Variants in UNC13C observed in about 807,000 individuals in gnomAD.
UNC13C encodes the protein unc-13 homolog C.
In UNC13C, 174 loss-of-function variants were observed where a neutral mutation model predicts 245.4. That is an observed-to-expected ratio of 0.71 (90% CI 0.63 to 0.80). UNC13C has a LOEUF of 0.80. Among genes scored for constraint, UNC13C ranks in the 30% least tolerant of loss-of-function variants. UNC13C has a pLI of 0.00. For missense variants in UNC13C, 2,829 were observed against 2,602.9 expected (o/e 1.09, Z -1.89); for synonymous variants, 992 against 895.1 (o/e 1.11, Z -1.93).
chr15:54,321,067 T>G, intron 13 of UNC13C: 1 of 481,978 alleles, frequency 2.1e-6, no homozygotes, highest in South Asian at 1.6e-5. Flanking sequence ...ACCGCCTCCA[T>G]GGCCACCACC....
intron 13 of UNC13C, among the ~76,000 whole-genome samples, chr15:54,318,386 T>C (rs951428213): frequency 6.6e-6 from 1 of 151,956 alleles, no homozygotes; most frequent in Non-Finnish European, 1.5e-5. Flanking sequence ...TGCAAAACAC[T>C]TCTTACCTCT....
intron 2 of UNC13C, among the ~76,000 whole-genome samples, chr15:54,138,384 A>G (rs549216242): frequency 2.0e-5 from 3 of 151,762 alleles, no homozygotes; most frequent in Non-Finnish European, 2.9e-5. Context: ...CTGAAGTTTA[A>G]TAACATTATG....
chr15:54,091,843 C>G (rs1184607579), intron 2 of UNC13C, among the ~76,000 whole-genome samples: 1 of 152,004 alleles, frequency 6.6e-6, no homozygotes, highest in Non-Finnish European at 1.5e-5. Context: ...ATTCCTGCTT[C>G]CAGCATTTTC....
chr15:54,414,911 TA>T, intron 18 of UNC13C, 70 bp from the exon 19 acceptor site: 1 of 990,330 alleles, frequency 1.0e-6, no homozygotes, highest in Non-Finnish European at 1.6e-6. Context: ...GGTATATATG[TA>T]AAATGCTGTA....
chr15:54,113,596 G>A (rs943688646), intron 2 of UNC13C, among the ~76,000 whole-genome samples: 57 of 152,126 alleles, frequency 3.7e-4, no homozygotes, highest in African/African-American at 1.3e-3. Flanking sequence ...GGAGGCCGAG[G>A]CGGGTGGATC....
At chr15:53,958,810 A>G in the UNC13C span, among the ~76,000 whole-genome samples, 2 of 152,206 alleles carry the variant, frequency 1.3e-5, no homozygotes, top group Non-Finnish European at 2.9e-5. Context: ...TGTTGGGAGC[A>G]TTACAGTTCT....
At chr15:54,257,864 A>G (rs1292566439) in intron 8 of UNC13C, among the ~76,000 whole-genome samples, 1 of 152,212 alleles carries the variant, frequency 6.6e-6, no homozygotes, top group Non-Finnish European at 1.5e-5. Context: ...GGTTCGTATT[A>G]TCTTGGATAT....
chr15:54,610,037 A>C (rs538685200), intron 30 of UNC13C, among the ~76,000 whole-genome samples: 6 of 152,136 alleles, frequency 3.9e-5, no homozygotes, highest in African/African-American at 1.4e-4. Context: ...TGACATGGGG[A>C]GATTATGGGA....
chr15:54,433,874 T>C (rs2040924033), intron 19 of UNC13C, among the ~76,000 whole-genome samples: 2 of 152,184 alleles, frequency 1.3e-5, no homozygotes, highest in African/African-American at 4.8e-5. Flanking sequence ...GATAAGCAAC[T>C]TCAGTGAAGT....
At chr15:54,452,277 G>A (rs769497213) in intron 19 of UNC13C, among the ~76,000 whole-genome samples, 9 of 152,148 alleles carry the variant, frequency 5.9e-5, no homozygotes, top group Non-Finnish European at 1.0e-4. Flanking sequence ...GCCAGCAGTG[G>A]CAGCAGTGGG....
chr15:54,185,435 A>T (rs897719139), intron 4 of UNC13C, among the ~76,000 whole-genome samples: 1 of 149,914 alleles, frequency 6.7e-6, no homozygotes, highest in African/African-American at 2.5e-5. Flanking sequence ...TCCATCTTGA[A>T]TTAATTTTTG....
chr15:54,348,354 T>A (rs1484017566), intron 17 of UNC13C, among the ~76,000 whole-genome samples: 1 of 152,154 alleles, frequency 6.6e-6, no homozygotes. Context: ...CCTTTACTTT[T>A]CACATGCATT....
chr15:54,337,773 C>T (rs772361344), intron 16 of UNC13C, among the ~76,000 whole-genome samples: 1 of 152,086 alleles, frequency 6.6e-6, no homozygotes, highest in African/African-American at 2.4e-5. Flanking sequence ...CCATTTTGCT[C>T]TTATGCTTAA....
intron 4 of UNC13C, among the ~76,000 whole-genome samples, chr15:54,172,088 A>G (rs1326861381): frequency 2.0e-5 from 3 of 152,114 alleles, no homozygotes; most frequent in African/African-American, 4.8e-5. Context: ...TAAGAGTAGA[A>G]TGATGGTTAC....
rs74462438 is a variant in UNC13C, at chr15:54,625,872, G to A, written c.6360-956G>A. 4.3e-4 allele frequency among the ~76,000 whole-genome samples: 66 copies of A among 152,202 alleles called. 1 individual carries two copies. In the East Asian group the frequency reaches 0.012, roughly 27 times the overall value. The stretch of plus-strand genomic sequence containing the variant: ...TAACACAGTGAGCTACTTAAAGGCA[G>A]CATTTTTAATTCATGAGATCTGATT... On this transcript the variant is annotated intron_variant, in intron 32 of 32. Transcript: ENST00000260323.
At chr15:53,886,309 G>C in the UNC13C span, among the ~76,000 whole-genome samples, 1 of 152,134 alleles carries the variant, frequency 6.6e-6, no homozygotes, top group East Asian at 1.9e-4. Flanking sequence ...TGTAGTTCCA[G>C]AGAGTTATGA....
At chr15:54,195,058 T>G (rs996996022) in intron 4 of UNC13C, among the ~76,000 whole-genome samples, 8 of 152,116 alleles carry the variant, frequency 5.3e-5, no homozygotes, top group Non-Finnish European at 8.8e-5. Flanking sequence ...ATCGGAAGTT[T>G]TGTGTGGAAG....
the UNC13C span, among the ~76,000 whole-genome samples, chr15:53,931,892 A>G: frequency 6.6e-6 from 1 of 152,312 alleles, no homozygotes; most frequent in African/African-American, 2.4e-5. Context: ...ATCATTTACC[A>G]AAATGGAAAT....
chr15:54,025,824 T>C (rs992633157), intron 2 of UNC13C, among the ~76,000 whole-genome samples: 3 of 152,220 alleles, frequency 2.0e-5, no homozygotes, highest in African/African-American at 7.2e-5. Flanking sequence ...TATTCAGGTG[T>C]CATTTCTGTA....
Sources: gnomAD v4.1 joint callset for allele counts (sites outside exome capture counted in the v4.1 genomes callset) on GRCh38, gnomAD v4.1.1 for gene constraint, MANE v1.5 for transcripts, NCBI Gene and HGNC (gene_info 2026-07-23, HGNC 2026-07-21) for gene names.